PALLD: variants seen among roughly 807,000 people sequenced by gnomAD.
The protein encoded by PALLD is palladin.
Under a neutral mutation model 123.5 loss-of-function variants are expected in PALLD, and 61 were observed. That is an observed-to-expected ratio of 0.49 (90% confidence interval 0.40 to 0.61). PALLD has a LOEUF of 0.61. Among genes scored for constraint, PALLD ranks in the 20% least tolerant of loss-of-function variants. The pLI, the probability that PALLD is intolerant of heterozygous loss-of-function variation, is 0.00. For missense variants in PALLD, 1,273 were observed against 1,377.0 expected (o/e 0.92, Z 1.20); for synonymous variants, 465 against 496.4 (o/e 0.94, Z 0.84).
At chr4:168,833,386 G>T (rs540260667) in intron 10 of PALLD, among the ~76,000 whole-genome samples, 1 of 152,288 alleles carries the variant, frequency 6.6e-6, no homozygotes, top group East Asian at 1.9e-4. Context: ...TCCAGGACGG[G>T]TGTGCATTCA....
At chr4:168,501,972 C>G (rs1346275956) in intron 1 of PALLD, among the ~76,000 whole-genome samples, 2 of 150,664 alleles carry the variant, frequency 1.3e-5, no homozygotes, top group Non-Finnish European at 3.0e-5. Context: ...CAGATCAAAC[C>G]AAGTATAAAA....
At chr4:168,621,763 C>G (rs1001007398) in intron 2 of PALLD, among the ~76,000 whole-genome samples, 2 of 152,194 alleles carry the variant, frequency 1.3e-5, no homozygotes, top group African/African-American at 4.8e-5. Flanking sequence ...GGGTCCATCA[C>G]TTTGTTAGGC....
chr4:168,885,076 T>C (rs965594858), intron 10 of PALLD, among the ~76,000 whole-genome samples: 4 of 152,212 alleles, frequency 2.6e-5, no homozygotes, highest in Non-Finnish European at 5.9e-5. Flanking sequence ...GTCTGTTTCT[T>C]TATTCACGCT....
chr4:168,568,383 G>C (rs978482876), intron 2 of PALLD, among the ~76,000 whole-genome samples: 10 of 152,046 alleles, frequency 6.6e-5, no homozygotes, highest in African/African-American at 2.4e-4. Flanking sequence ...GAATATTCTT[G>C]TTTTCATGTA....
In PALLD at chr4:168,709,067, A is replaced by G. The variant is rs1486128001; in HGVS notation, c.1541A>G (p.Glu514Gly). ...CTLVIAETFP[E>G]DAGIFTCSAR... ...CTAGTTATCGCTGAGACTTTCCCTG[A>G]AGATGCAGGGATCTTTACATGTTCA... The change falls in exon 9 of 22, where the codon GAA becomes GGA. Residue 514 changes from glutamate (E) to glycine (G), a missense_variant. By Grantham distance (98) the Glu-to-Gly change is moderately conservative. Transcript: ENST00000505667. 6 of 1,610,866 alleles carry G rather than the reference A, an allele frequency of 3.7e-6. No individual in the cohort carries two copies. Among genetic ancestry groups the G allele is most frequent in the African/African-American group, 1.3e-5 (1 of 74,862 alleles).
At position 168,878,009 on chromosome 4, in the gene PALLD, A is replaced by C. The variant is rs864622422; in HGVS notation, c.1965-12913A>C. The C allele has an allele frequency of 5.3e-5, 79 of 1,497,234 alleles. No individual in the cohort carries two copies. Among genetic ancestry groups the C allele is most frequent in the Non-Finnish European group, 6.8e-5 (77 of 1,129,208 alleles). The allele number at this position is 1,497,234 out of a possible 1,614,324, so 92.7% of individuals were successfully genotyped here. A position where few individuals can be genotyped will look rare whatever the true frequency, so the allele number is the denominator to read the frequency against. ...CCTCGGGCCCGCGTCGGGCCACGGC[A>C]CGCCGGCCTCCAGCCCCAGCTCGTC... is the stretch of plus-strand genomic sequence containing the variant. On this transcript the variant is annotated intron_variant, in intron 10 of 21. Coordinates refer to ENST00000505667, the MANE Select transcript of PALLD (RefSeq NM_001166108.2).
At chr4:168,619,894 G>A (rs201905924) in intron 2 of PALLD, among the ~76,000 whole-genome samples, 3,135 of 152,280 alleles carry the variant, frequency 0.021, 107 homozygotes, top group African/African-American at 0.071. Context: ...CCAGTGAAAA[G>A]CATAGTTCTC....
intron 10 of PALLD, among the ~76,000 whole-genome samples, chr4:168,804,457 C>G (rs1246303201): frequency 6.6e-6 from 1 of 152,224 alleles, no homozygotes; most frequent in East Asian, 1.9e-4. Flanking sequence ...AAAACTTTGA[C>G]AGTTGTACTT....
intron 10 of PALLD, among the ~76,000 whole-genome samples, chr4:168,824,742 C>A (rs1014278435): frequency 6.6e-6 from 1 of 151,280 alleles, no homozygotes; most frequent in South Asian, 2.1e-4. Context: ...ACTTAAGGGG[C>A]CTGTAACAGG....
intron 6 of PALLD, among the ~76,000 whole-genome samples, chr4:168,688,329 C>T (rs1008554460): frequency 6.6e-6 from 1 of 152,218 alleles, no homozygotes; most frequent in African/African-American, 2.4e-5. Context: ...GGTCTCACAG[C>T]TGGTCAGAGG....
Position 168,805,222 on chromosome 4 carries a change from C to T in PALLD, c.1965-85700C>T, listed in dbSNP as rs181111163. ...AATTTGAGATGGGAGGCTAAATTGC[C>T]CCTGCTGTGTATTTAGAGGGTTAGT... On this transcript the variant is annotated intron_variant, in intron 10 of 21. Transcript: ENST00000505667. Among the ~76,000 whole-genome samples, 7 of 152,158 alleles carry T rather than the reference C, an allele frequency of 4.6e-5. No individual in the cohort carries two copies. The East Asian group carries it at 9.7e-4, about 21-fold the overall frequency.
chr4:168,576,410 G>A (rs1769597983), intron 2 of PALLD, among the ~76,000 whole-genome samples: 1 of 151,500 alleles, frequency 6.6e-6, no homozygotes. Flanking sequence ...AACAGGCCCT[G>A]GTGTGTGATG....
chr4:168,690,355 A>C (rs1782501033), intron 6 of PALLD, among the ~76,000 whole-genome samples: 1 of 152,206 alleles, frequency 6.6e-6, no homozygotes, highest in Non-Finnish European at 1.5e-5. Context: ...CAGGCCAGAA[A>C]GCTCTACAGG....
At chr4:168,876,882 T>G (rs1581864311) in intron 10 of PALLD, among the ~76,000 whole-genome samples, 1 of 152,230 alleles carries the variant, frequency 6.6e-6, no homozygotes, top group Non-Finnish European at 1.5e-5. Flanking sequence ...ACATCCTGGA[T>G]GTACAGCAAA....
intron 2 of PALLD, among the ~76,000 whole-genome samples, chr4:168,621,614 A>T (rs1179517804): frequency 6.6e-6 from 1 of 152,198 alleles, no homozygotes; most frequent in Non-Finnish European, 1.5e-5. Context: ...AGACCATATT[A>T]CCATATTTCC....
chr4:168,864,148 CTG>C (rs1311644316), intron 10 of PALLD, among the ~76,000 whole-genome samples: 4 of 152,198 alleles, frequency 2.6e-5, no homozygotes, highest in Non-Finnish European at 5.9e-5. Context: ...AGAGATGAGA[CTG>C]TGTTACTCAG....
In PALLD at chr4:168,918,944, C is replaced by T. The variant is rs75609376; in HGVS notation, c.2851-2590C>T. 7.7e-3 allele frequency among the ~76,000 whole-genome samples: 1,172 copies of T among 151,996 alleles called. 9 individuals carry two copies. Among genetic ancestry groups the T allele is most frequent in the African/African-American group, 0.015 (638 of 41,462 alleles). On this transcript the variant is annotated intron_variant, in intron 17 of 21. Coordinates refer to ENST00000505667, the MANE Select transcript of PALLD (RefSeq NM_001166108.2). ...AATGGAATTGTGATTATGGAAAAGT[C>T]TTGTTTTTAGAAATGCATACTGAGC...
chr4:168,674,084 T>G (rs1780589769), intron 3 of PALLD, among the ~76,000 whole-genome samples: 1 of 152,036 alleles, frequency 6.6e-6, no homozygotes, highest in Admixed American at 6.6e-5. Context: ...CCGGCTAATT[T>G]TTGTATTTTT....
chr4:168,925,999 T>C (rs1762514276), intron 21 of PALLD, among the ~76,000 whole-genome samples: 1 of 152,148 alleles, frequency 6.6e-6, no homozygotes, highest in African/African-American at 2.4e-5. Context: ...TTGACCTTTG[T>C]AATCTAGCTG....
Sources: gnomAD v4.1 joint callset for allele counts (sites outside exome capture counted in the v4.1 genomes callset) on GRCh38, gnomAD v4.1.1 for gene constraint, MANE v1.5 for transcripts, NCBI Gene and HGNC (gene_info 2026-07-23, HGNC 2026-07-21) for gene names.